LPP: variants seen among roughly 807,000 people sequenced by gnomAD.
LPP encodes the protein LIM domain containing preferred translocation partner in lipoma, also known as lipoma-preferred partner.
In LPP, 38 loss-of-function variants were observed where a neutral mutation model predicts 60.4. The ratio of observed to expected loss-of-function variants is 0.63; its 90% confidence interval spans 0.49 to 0.83. The LOEUF is 0.83. Ranked by LOEUF, LPP falls within the 40% of genes least tolerant of loss-of-function variation. The probability of loss-of-function intolerance (pLI) is 0.00; values close to 1 mark genes in which losing one functional copy is unlikely to be tolerated. For missense variants in LPP, 902 were observed against 783.6 expected (o/e 1.15, Z -1.80); for synonymous variants, 328 against 290.8 (o/e 1.13, Z -1.30).
Position 188,810,696 on chromosome 3 carries a change from C to T in LPP, c.1410+50414C>T, listed in dbSNP as rs145759601. ...TGGTGGTCTTGGAAGGTATCTTCCA[C>T]GGATAAAAGGACACTACGGTAGTTG... On this transcript the variant is annotated intron_variant, in intron 9 of 11. Coordinates refer to ENST00000617246, the MANE Select transcript of LPP (RefSeq NM_001375462.1). Among the ~76,000 whole-genome samples the T allele has an allele frequency of 4.1e-4, 62 of 152,146 alleles. No individual in the cohort carries two copies. The East Asian group carries it at 8.7e-3, about 21-fold the overall frequency.
intron 9 of LPP, among the ~76,000 whole-genome samples, chr3:188,778,596 A>G (rs776313387): frequency 6.6e-6 from 1 of 152,144 alleles, no homozygotes; most frequent in Non-Finnish European, 1.5e-5. Context: ...AGCATTTCCT[A>G]AAATTGCTAG....
intron 3 of LPP, among the ~76,000 whole-genome samples, chr3:188,358,274 T>C (rs1462949801): frequency 6.6e-6 from 1 of 152,226 alleles, no homozygotes. Flanking sequence ...GTAGTCTGGC[T>C]TCAGCAGCTT....
intron 2 of LPP, among the ~76,000 whole-genome samples, chr3:188,327,567 C>T (rs1469512913): frequency 6.6e-6 from 1 of 152,134 alleles, no homozygotes; most frequent in African/African-American, 2.4e-5. Flanking sequence ...TGATACAGGT[C>T]CTAGTAACCA....
intron 5 of LPP, among the ~76,000 whole-genome samples, chr3:188,512,729 CAA>C (rs1816169217): frequency 6.6e-6 from 1 of 151,766 alleles, no homozygotes; most frequent in Non-Finnish European, 1.5e-5. Flanking sequence ...AGGGGTCAAA[CAA>C]GAGTTCAAGA....
intron 6 of LPP, among the ~76,000 whole-genome samples, chr3:188,588,245 A>C (rs1217627000): frequency 1.3e-5 from 2 of 152,218 alleles, no homozygotes; most frequent in Non-Finnish European, 2.9e-5. Flanking sequence ...AGTAATTTGC[A>C]TCAGAGGTGT....
chr3:188,673,640 G>A (rs1486196916), intron 7 of LPP, among the ~76,000 whole-genome samples: 3 of 152,198 alleles, frequency 2.0e-5, no homozygotes, highest in South Asian at 2.1e-4. Flanking sequence ...TCCTCTCCCT[G>A]AAGCTATGAT....
intron 1 of LPP, among the ~76,000 whole-genome samples, chr3:188,156,490 G>A (rs1224596787): frequency 3.3e-5 from 5 of 152,118 alleles, no homozygotes; most frequent in East Asian, 1.9e-4. Flanking sequence ...TACTGGCATC[G>A]AGAAGCCCCC....
chr3:188,266,922 A>G (rs184090801), intron 2 of LPP, among the ~76,000 whole-genome samples: 3 of 152,300 alleles, frequency 2.0e-5, no homozygotes, highest in African/African-American at 7.2e-5. Flanking sequence ...GCAGATAGAA[A>G]GATAGAGGAA....
intron 7 of LPP, among the ~76,000 whole-genome samples, chr3:188,676,976 CA>C (rs554163565): frequency 4.6e-5 from 7 of 152,130 alleles, no homozygotes; most frequent in African/African-American, 1.4e-4. Context: ...TGGAGAGGTC[CA>C]TGTGGTAAAG....
In LPP at chr3:188,874,395, C is replaced by T. The variant is rs775410887; in HGVS notation, c.1755C>T (p.Tyr585=). The change falls in exon 12 of 12, where the codon TAC becomes TAT. Residue 585 remains tyrosine, a synonymous_variant. Coordinates refer to ENST00000617246, the MANE Select transcript of LPP (RefSeq NM_001375462.1). ...CTGAAGGAGATAACCAAGGCTGCTACCCCTTGGATGGGCACATCCTCTGCA... is the reference window on the plus strand; with the variant it reads ...CTGAAGGAGATAACCAAGGCTGCTATCCCTTGGATGGGCACATCCTCTGCA... ...LLSEGDNQGC[Y]PLDGHILCKT... 6 of 1,614,092 alleles carry T rather than the reference C, an allele frequency of 3.7e-6. No homozygotes were observed. In the Admixed American group the frequency reaches 5.0e-5, roughly 13 times the overall value.
intron 2 of LPP, among the ~76,000 whole-genome samples, chr3:188,270,023 G>T (rs972825053): frequency 6.6e-6 from 1 of 151,346 alleles, no homozygotes; most frequent in Non-Finnish European, 1.5e-5. Flanking sequence ...TTTCTTTAGG[G>T]TATGATTCTA....
intron 4 of LPP, among the ~76,000 whole-genome samples, chr3:188,421,082 G>C (rs1403254164): frequency 1.3e-5 from 2 of 152,116 alleles, no homozygotes; most frequent in Non-Finnish European, 2.9e-5. Context: ...GCTTGCCCCA[G>C]ACCATACAGG....
At chr3:188,540,062 T>C (rs1824736857) in intron 6 of LPP, among the ~76,000 whole-genome samples, 1 of 152,192 alleles carries the variant, frequency 6.6e-6, no homozygotes, top group African/African-American at 2.4e-5. Context: ...AGATGTTTCA[T>C]TTGTTAAAGT....
At chr3:188,759,044 A>AT (rs1013502250) in intron 8 of LPP, among the ~76,000 whole-genome samples, 1 of 152,058 alleles carries the variant, frequency 6.6e-6, no homozygotes, top group Non-Finnish European at 1.5e-5. Context: ...ATTAGATAGA[A>AT]TTTTTTTTAA....
chr3:188,833,894 T>A (rs1757694375), intron 9 of LPP, among the ~76,000 whole-genome samples: 1 of 152,228 alleles, frequency 6.6e-6, no homozygotes, highest in Non-Finnish European at 1.5e-5. Flanking sequence ...TAAGTTTTCA[T>A]ATATGTATTT....
In LPP at chr3:188,874,440, C is replaced by T; in HGVS notation, c.1800C>T (p.Arg600=). The change falls in exon 12 of 12, where the codon CGC becomes CGT. Residue 600 remains arginine (R), a synonymous_variant. Coordinates refer to ENST00000617246, the MANE Select transcript of LPP (RefSeq NM_001375462.1). ...TCTGCAAGACCTGCAACTCTGCCCG[C>T]ATCAGGGTGTTGACCGCCAAGGCGA... is the stretch of plus-strand genomic sequence containing the variant. The part of the protein sequence containing the change: ...HILCKTCNSA[R]IRVLTAKAST... 4 of 1,614,210 alleles carry T rather than the reference C, an allele frequency of 2.5e-6. No individual in the cohort carries two copies. Among genetic ancestry groups the T allele is most frequent in the Non-Finnish European group, 3.4e-6 (4 of 1,180,014 alleles).
At chr3:188,728,909 A>C (rs1264974719) in intron 8 of LPP, among the ~76,000 whole-genome samples, 1 of 152,106 alleles carries the variant, frequency 6.6e-6, no homozygotes, top group Non-Finnish European at 1.5e-5. Flanking sequence ...ACAAATTTAG[A>C]GGTCTCTGCC....
chr3:188,280,599 G>A (rs1207490774), intron 2 of LPP, among the ~76,000 whole-genome samples: 6 of 151,880 alleles, frequency 4.0e-5, no homozygotes, highest in Admixed American at 2.6e-4. Flanking sequence ...GGTATCCAGA[G>A]TCTAGAATCT....
At chr3:188,746,550 A>C (rs894923566) in intron 8 of LPP, 2 of 488,048 alleles carry the variant, frequency 4.1e-6, no homozygotes, top group African/African-American at 3.9e-5. Flanking sequence ...TCAACTTTGC[A>C]CTCTCCCTGT....
Sources: gnomAD v4.1 joint callset for allele counts (sites outside exome capture counted in the v4.1 genomes callset) on GRCh38, gnomAD v4.1.1 for gene constraint, MANE v1.5 for transcripts, NCBI Gene and HGNC (gene_info 2026-07-23, HGNC 2026-07-21) for gene names.